CEP95: variants seen among roughly 807,000 people sequenced by gnomAD.
CEP95 encodes centrosomal protein 95.
CEP95 carries 98 observed loss-of-function variants against 111.2 expected under a neutral mutation model. That is an observed-to-expected ratio of 0.88 (90% CI 0.75 to 1.04). The LOEUF (loss-of-function observed/expected upper bound fraction) is 1.04, where lower values mean the gene tolerates loss of function less well. Ranked by LOEUF, CEP95 falls within the 50% of genes least tolerant of loss-of-function variation. The pLI is 0.00. For synonymous variants in CEP95, 323 were observed against 327.1 expected (o/e 0.99, Z 0.14); for missense variants, 1,027 against 977.2 (o/e 1.05, Z -0.68).
chr17:64,534,917 C>G, intron 17 of CEP95, 180 bp downstream of exon 17: 1 of 648,598 alleles, frequency 1.5e-6, no homozygotes, highest in Admixed American at 2.5e-5. Context: ...TTGTGCATTC[C>G]CGTCCATTCT....
At chr17:64,519,497 G>C (rs1446159994) in intron 6 of CEP95, 61 bp downstream of exon 6, 3 of 1,247,490 alleles carry the variant, frequency 2.4e-6, no homozygotes, top group Non-Finnish European at 3.5e-6. Context: ...AAATGTAAAT[G>C]GTATGTAGGA....
chr17:64,523,376 C>T (rs1323930376), intron 8 of CEP95, among the ~76,000 whole-genome samples: 2 of 152,002 alleles, frequency 1.3e-5, no homozygotes, highest in Middle Eastern at 3.2e-3. Context: ...GCTTCAGAGT[C>T]CATATTGTGT....
At chr17:64,516,542 C>G (rs1373093562) in intron 4 of CEP95, among the ~76,000 whole-genome samples, 181 bp from the exon 5 acceptor site, 1 of 152,192 alleles carries the variant, frequency 6.6e-6, no homozygotes, top group Non-Finnish European at 1.5e-5. Flanking sequence ...TTCTTTGTTA[C>G]TCGAATAATA....
chr17:64,507,337 G>C, intron 1 of CEP95: 1 of 1,432,384 alleles, frequency 7.0e-7, no homozygotes, highest in Non-Finnish European at 9.2e-7. Flanking sequence ...GAGAGGCACT[G>C]GGGCGAGGCC....
At chr17:64,507,631 G>A (rs890747115) in intron 1 of CEP95, 2 of 988,512 alleles carry the variant, frequency 2.0e-6, no homozygotes, top group South Asian at 9.0e-5. Context: ...TTTGAAGAGC[G>A]AATTAATTTG....
intron 17 of CEP95, chr17:64,535,067 C>T (rs1555681294): frequency 4.5e-5 from 15 of 329,940 alleles, no homozygotes; most frequent in Non-Finnish European, 1.2e-5. Context: ...CATGACCTTG[C>T]ATTCCACATA....
chr17:64,514,433 A>T, intron 4 of CEP95, 75 bp downstream of exon 4: 1 of 700,138 alleles, frequency 1.4e-6, no homozygotes, highest in Non-Finnish European at 2.6e-6. Flanking sequence ...CTTTTTGTGT[A>T]TTTTTCTTCA....
Position 64,534,606 on chromosome 17 carries a change from C to T in CEP95, c.1939C>T (p.Arg647Cys), listed in dbSNP as rs782286321. 36 of 1,613,494 alleles carry T rather than the reference C, an allele frequency of 2.2e-5. No individual in the cohort carries two copies. The highest frequency in any genetic ancestry group is 3.1e-5 in the Non-Finnish European group (36 of 1,179,690). Residue 647 changes from arginine to cysteine, a missense_variant, in exon 17 of 20, where the codon CGT becomes TGT. Physicochemically the swap from Arg to Cys is radical, Grantham distance 180. Coordinates refer to ENST00000556440, the MANE Select transcript of CEP95 (RefSeq NM_138363.3). ...KRLQDFKDCI[R>C]RQRLTQSKIK... ...TTAGCAAGACTTCAAGGACTGCATT[C>T]GTAGGCAAAGGTTGACCCAATCAAA...
chr17:64,537,681 AATG>A lies in CEP95; in HGVS notation c.2378_2380del (p.Asp793del), dbSNP rs781795691. ...GCAGCTGCAGGACATGATAACACAG[AATG>A]ATGATGATGTTTTCTTCCGGGAACT... On this transcript the variant is annotated inframe_deletion, in exon 20 of 20. Coordinates refer to ENST00000556440, the MANE Select transcript of CEP95 (RefSeq NM_138363.3). 6.2e-6 allele frequency: 10 copies of A among 1,613,386 alleles called. No homozygotes were observed. Among genetic ancestry groups the A allele is most frequent in the South Asian group, 5.5e-5 (5 of 90,942 alleles).
chr17:64,514,789 A>G (rs1223846392), intron 4 of CEP95: 3 of 218,058 alleles, frequency 1.4e-5, no homozygotes, highest in African/African-American at 6.8e-5. Context: ...AATATTTCAG[A>G]TATTTGTCAT....
rs1451154794 is a variant in CEP95 at position 64,532,866 on chromosome 17, C to T, written c.1700C>T (p.Pro567Leu). 2 of 1,613,038 alleles carry T rather than the reference C, an allele frequency of 1.2e-6. No individual in the cohort carries two copies. The highest frequency in any genetic ancestry group is 1.7e-6 in the Non-Finnish European group (2 of 1,179,694). ...AAAGTAAGTGAACACAGTCTCCTGC[C>T]CCTTATGCTGGAGCAGTTTCCGTTT... is the stretch of plus-strand genomic sequence containing the variant. The part of the protein sequence containing the change: ...PMKVSEHSLL[P>L]LMLEQFPFLY... Residue 567 changes from proline (P) to leucine (L), a missense_variant, in exon 15 of 20, where the codon CCC (proline) becomes CTC (leucine). By Grantham distance (98) the Pro-to-Leu change is moderately conservative. Transcript: ENST00000556440.
chr17:64,507,305 C>G, intron 1 of CEP95, 189 bp downstream of exon 1: 1 of 1,454,636 alleles, frequency 6.9e-7, no homozygotes, highest in Non-Finnish European at 9.1e-7. Flanking sequence ...GGCCGTGGAA[C>G]AGCAGTATGC....
chr17:64,514,657 T>C, intron 4 of CEP95: 1 of 390,262 alleles, frequency 2.6e-6, no homozygotes, highest in Non-Finnish European at 4.5e-6. Context: ...AAAATTTCTT[T>C]CTCCAAAATT....
intron 17 of CEP95, 42 bp downstream of exon 17, chr17:64,534,779 C>T (rs782146689): frequency 3.8e-5 from 60 of 1,586,178 alleles, no homozygotes; most frequent in Admixed American, 7.2e-5. Flanking sequence ...AGAAGGTGAA[C>T]TTTGTTATCT....
chr17:64,521,522 A>G lies in CEP95; in HGVS notation c.710A>G (p.Glu237Gly). The G allele has an allele frequency of 6.2e-7, 1 of 1,609,844 alleles. No individual in the cohort carries two copies. The highest frequency in any genetic ancestry group is 8.5e-7 in the Non-Finnish European group (1 of 1,178,170). ...TCCAAGAGTAGGACATCCTTTGTTG[A>G]AGACAGTGAGTTGTAATGGATGTTA... ...VLSKSRTSFV[E>G]DTETLSVSGI... Residue 237 changes from glutamate to glycine, a missense_variant, in exon 7 of 20, where the codon GAA (glutamate) becomes GGA (glycine). By Grantham distance (98) the Glu-to-Gly change is moderately conservative. Coordinates refer to ENST00000556440, the MANE Select transcript of CEP95 (RefSeq NM_138363.3).
At position 64,506,993 on chromosome 17, in the gene CEP95, T is replaced by C; in HGVS notation, c.-105T>C. ...TCACGCCTCCTTCCCCGCGCTTTGGTTCGTGCGTCCGCGCCCCAGTGTCGG... is the reference window on the plus strand; with the variant it reads ...TCACGCCTCCTTCCCCGCGCTTTGGCTCGTGCGTCCGCGCCCCAGTGTCGG... On this transcript the variant is annotated 5_prime_UTR_variant, in exon 1 of 20. Transcript: ENST00000556440. The C allele has an allele frequency of 4.5e-6, 6 of 1,348,224 alleles. No homozygotes were observed. Among genetic ancestry groups the C allele is most frequent in the Non-Finnish European group, 6.2e-6 (6 of 962,556 alleles). The allele number at this position is 1,348,224 out of a possible 1,614,324, so 83.5% of individuals were successfully genotyped here. A position where few individuals can be genotyped will look rare whatever the true frequency, so the allele number is the denominator to read the frequency against.
intron 3 of CEP95, among the ~76,000 whole-genome samples, chr17:64,510,890 T>A (rs1369382062): frequency 2.6e-5 from 4 of 152,166 alleles, no homozygotes; most frequent in Non-Finnish European, 4.4e-5. Flanking sequence ...GGTTCTTTTC[T>A]ATTTTATCTA....
chr17:64,535,740 CTA>C (rs1175685289), intron 17 of CEP95: 2 of 152,096 alleles, frequency 1.3e-5, no homozygotes, highest in Non-Finnish European at 2.9e-5. Flanking sequence ...TCACTCCTAG[CTA>C]TATAATCACA....
Position 64,529,335 on chromosome 17 carries a change from C to T in CEP95, c.1354C>T (p.Pro452Ser), listed in dbSNP as rs1568149413. ...KPPYRSHSLS[P>S]SPVNKHKQFH... ...ACCCTACAGATCCCATTCGCTCTCT[C>T]CATCTCCAGTTAACAAACACAAACA... The change falls in exon 12 of 20, where the codon CCA becomes TCA. Residue 452 changes from proline (P) to serine (S), a missense_variant. Transcript: ENST00000556440. 2 of 1,613,834 alleles carry T rather than the reference C, an allele frequency of 1.2e-6. No homozygotes were observed. The highest frequency in any genetic ancestry group is 1.7e-6 in the Non-Finnish European group (2 of 1,179,816).
Sources: allele counts gnomAD v4.1 joint callset (sites outside exome capture counted in the v4.1 genomes callset), GRCh38; gene constraint gnomAD v4.1.1; transcripts MANE v1.5; gene names NCBI Gene and HGNC (gene_info 2026-07-23, HGNC 2026-07-21).